The following KLHL29 variants were observed in gnomAD, a reference collection of about 807,000 sequenced individuals.
KLHL29 encodes the protein kelch like family member 29.
In KLHL29, 21 loss-of-function variants were observed where a neutral mutation model predicts 80.4. The observed-to-expected ratio is 0.26, with a 90% CI of 0.19 to 0.38. The LOEUF is 0.38. KLHL29 is among the 10% of genes least tolerant of loss of function. The probability of loss-of-function intolerance (pLI) is 1.00; values close to 1 mark genes in which losing one functional copy is unlikely to be tolerated. For missense variants in KLHL29, 867 were observed against 1,223.9 expected (o/e 0.71, Z 4.35); for synonymous variants, 511 against 526.8 (o/e 0.97, Z 0.41).
intron 1 of KLHL29, among the ~76,000 whole-genome samples, chr2:23,455,026 G>T (rs931896790): frequency 6.6e-6 from 1 of 150,438 alleles, no homozygotes; most frequent in African/African-American, 2.4e-5. Flanking sequence ...TATTTCTCTC[G>T]CATCTGCAGC....
intron 5 of KLHL29, among the ~76,000 whole-genome samples, chr2:23,653,835 A>G (rs906189140): frequency 6.8e-6 from 1 of 148,062 alleles, no homozygotes; most frequent in African/African-American, 2.5e-5. Context: ...TTGTGGTGAC[A>G]GTGGTTTTCA....
At chr2:23,528,512 C>T (rs913250218) in intron 2 of KLHL29, among the ~76,000 whole-genome samples, 5 of 152,144 alleles carry the variant, frequency 3.3e-5, no homozygotes, top group Non-Finnish European at 5.9e-5. Flanking sequence ...CTGTACAGGA[C>T]GAGGCCACGC....
chr2:23,457,945 G>A lies in KLHL29; in HGVS notation c.-153-17615G>A, dbSNP rs776200806. 6.6e-6 allele frequency among the ~76,000 whole-genome samples: 1 copy of A among 152,168 alleles called. No individual in the cohort carries two copies. Among genetic ancestry groups the A allele is most frequent in the Non-Finnish European group, 1.5e-5 (1 of 67,992 alleles). On this transcript the variant is annotated intron_variant, in intron 1 of 13. Coordinates refer to ENST00000486442, the MANE Select transcript of KLHL29 (RefSeq NM_052920.2). This position sits in a 1 kb window ranked among gnomAD's most constrained non-coding sequence, Gnocchi z 4.3. The stretch of plus-strand genomic sequence containing the variant: ...GGAGAATGGCATGAACCAGGGAGGC[G>A]GAGCTTGCAGTGAACTGAGATCACG...
At chr2:23,703,052 C>T in intron 11 of KLHL29, 134 bp from the exon 12 acceptor site, 2 of 575,844 alleles carry the variant, frequency 3.5e-6, no homozygotes, top group Non-Finnish European at 2.8e-6. Context: ...GTGCCCCCCA[C>T]TGCTGGTGTG....
chr2:23,451,944 C>T (rs527743491), intron 1 of KLHL29, among the ~76,000 whole-genome samples: 1 of 152,078 alleles, frequency 6.6e-6, no homozygotes, highest in East Asian at 1.9e-4. Flanking sequence ...CTAATCAGGG[C>T]AGAAGGCGAA....
At chr2:23,522,644 C>G (rs1012088429) in intron 2 of KLHL29, among the ~76,000 whole-genome samples, 4 of 152,112 alleles carry the variant, frequency 2.6e-5, no homozygotes, top group African/African-American at 9.7e-5. Flanking sequence ...GGTTCTCTTC[C>G]CACAAAGTAG....
intron 6 of KLHL29, chr2:23,691,346 G>T: frequency 2.8e-6 from 1 of 358,050 alleles, no homozygotes; most frequent in Non-Finnish European, 5.2e-6. Context: ...ACCAGGGCCT[G>T]CAGTGGGCTG....
At position 23,596,760 on chromosome 2, in the gene KLHL29, A is replaced by G. The variant is rs1481507440; in HGVS notation, c.285+34279A>G. Among the ~76,000 whole-genome samples, 1 of 152,200 alleles carries G rather than the reference A, an allele frequency of 6.6e-6. No homozygotes were observed. The highest frequency in any genetic ancestry group is 1.5e-5 in the Non-Finnish European group (1 of 68,034). On this transcript the variant is annotated intron_variant, in intron 3 of 13. Transcript: ENST00000486442. This position sits in a 1 kb window ranked among gnomAD's most constrained non-coding sequence, Gnocchi z 4.4. ...GCCATCTCTTACACACAACGGCGAA[A>G]TTATTTTCTTCATCTCAGAAACAGG...
intron 2 of KLHL29, among the ~76,000 whole-genome samples, chr2:23,510,695 A>T (rs1245921688): frequency 6.6e-6 from 1 of 152,220 alleles, no homozygotes; most frequent in Non-Finnish European, 1.5e-5. Flanking sequence ...GGTGACAATG[A>T]CAAGAGGTTA....
intron 1 of KLHL29, among the ~76,000 whole-genome samples, chr2:23,408,669 A>G (rs977804319): frequency 3.3e-5 from 5 of 152,210 alleles, no homozygotes; most frequent in Non-Finnish European, 5.9e-5. Flanking sequence ...TGATGGATGG[A>G]ACTCTTTTTA....
chr2:23,701,783 CTTTTTTTTGCTTTTTT>C (rs1461700506), intron 11 of KLHL29, among the ~76,000 whole-genome samples: 2 of 118,492 alleles, frequency 1.7e-5, no homozygotes, highest in Non-Finnish European at 3.4e-5. Context: ...GCACACATGG[CTTTTTTTTGCTTTTTT>C]TTTTTTTTTT....
At chr2:23,497,771 C>A (rs531667938) in intron 2 of KLHL29, among the ~76,000 whole-genome samples, 2 of 152,256 alleles carry the variant, frequency 1.3e-5, no homozygotes, top group African/African-American at 4.8e-5. Flanking sequence ...TGCATGTGAC[C>A]TGAGGGGCAC....
intron 3 of KLHL29, among the ~76,000 whole-genome samples, chr2:23,623,395 G>A (rs553753784): frequency 2.0e-5 from 3 of 152,158 alleles, no homozygotes; most frequent in African/African-American, 7.2e-5. Flanking sequence ...CCCCTTGTAG[G>A]GGGAGCGAGC....
In KLHL29 at chr2:23,642,664, G is replaced by A. The variant is rs558827809; in HGVS notation, c.754G>A (p.Val252Met). The change falls in exon 5 of 14, where the codon GTG becomes ATG. Residue 252 changes from valine (V) to methionine (M), a missense_variant. Transcript: ENST00000486442. ...GGTGGCCCGCCCAGGACCCACCGCTGTGGGCAACGGCCACATGGCAGGGCC... is the reference window on the plus strand; with the variant it reads ...GGTGGCCCGCCCAGGACCCACCGCTATGGGCAACGGCCACATGGCAGGGCC... Reference protein sequence around the residue: ...GQVARPGPTAVGNGHMAGPLL... With the variant: ...GQVARPGPTAMGNGHMAGPLL... 23 of 1,548,196 alleles carry A rather than the reference G, an allele frequency of 1.5e-5. No individual in the cohort carries two copies. In the African/African-American group the frequency reaches 2.9e-4, roughly 19 times the overall value.
chr2:23,701,194 C>CTCCTTTAGTGCCAGCATCTCA lies in KLHL29; in HGVS notation c.2106-1990_2106-1989insCTTTAGTGCCAGCATCTCATC, dbSNP rs6146682. Among the ~76,000 whole-genome samples, 12 of 152,028 alleles carry CTCCTTTAGTGCCAGCATCTCA rather than the reference C, an allele frequency of 7.9e-5. No individual in the cohort carries two copies. In the East Asian group the frequency reaches 1.6e-3, roughly 20 times the overall value. On this transcript the variant is annotated intron_variant, in intron 11 of 13. Coordinates refer to ENST00000486442, the MANE Select transcript of KLHL29 (RefSeq NM_052920.2). ...ACCCTGAACCATCCTTGGCAACTAT[C>CTCCTTTAGTGCCAGCATCTCA]TCAATGAGCAAACACACCCATTCCC...
At chr2:23,529,911 G>A (rs1032532553) in intron 2 of KLHL29, among the ~76,000 whole-genome samples, 1 of 152,162 alleles carries the variant, frequency 6.6e-6, no homozygotes, top group African/African-American at 2.4e-5. Context: ...CCCATGTCCT[G>A]AGAGGCCACG....
At chr2:23,565,198 C>A (rs940306844) in intron 3 of KLHL29, among the ~76,000 whole-genome samples, 1 of 152,188 alleles carries the variant, frequency 6.6e-6, no homozygotes, top group Admixed American at 6.5e-5. Flanking sequence ...GGACAAGGCT[C>A]TACCCTCTTA....
At chr2:23,650,716 C>T (rs868470182) in intron 5 of KLHL29, among the ~76,000 whole-genome samples, 7 of 152,218 alleles carry the variant, frequency 4.6e-5, no homozygotes, top group Admixed American at 3.3e-4. Context: ...CTGTGCACGC[C>T]GCTTTCTCCT....
At chr2:23,648,172 C>T (rs1442165827) in intron 5 of KLHL29, among the ~76,000 whole-genome samples, 5 of 152,120 alleles carry the variant, frequency 3.3e-5, no homozygotes, top group Admixed American at 2.0e-4. Flanking sequence ...CTTCCTTCTG[C>T]ACCCAAGCAC....
Sources: gnomAD v4.1 joint callset for allele counts (sites outside exome capture counted in the v4.1 genomes callset) on GRCh38, gnomAD v4.1.1 for gene constraint, Gnocchi (gnomAD v3.1) non-coding constraint, MANE v1.5 for transcripts, NCBI Gene and HGNC (gene_info 2026-07-23, HGNC 2026-07-21) for gene names.